Variants in CYSLTR1 observed in about 807,000 individuals in gnomAD.
The protein encoded by CYSLTR1 is cysteinyl leukotriene receptor 1.
CYSLTR1 carries 1 observed loss-of-function variant against 2.1 expected under a neutral mutation model. The ratio of observed to expected loss-of-function variants is 0.48; its 90% confidence interval spans 0.17 to 2.28. The LOEUF (loss-of-function observed/expected upper bound fraction) is 2.28. CYSLTR1 is among the 30% of genes most tolerant of loss of function. The probability of loss-of-function intolerance (pLI) is 0.26; values close to 1 mark genes in which losing one functional copy is unlikely to be tolerated. For synonymous variants in CYSLTR1, 110 were observed against 89.6 expected (o/e 1.23, Z -1.28); for missense variants, 299 against 250.1 (o/e 1.20, Z -1.32).
intron 1 of CYSLTR1, among the ~76,000 whole-genome samples, chrX:78,310,971 T>C (rs140037357): frequency 9.1e-6 from 1 of 110,109 alleles, no homozygotes; most frequent in Non-Finnish European, 1.9e-5. Context: ...GCAGAAAGTA[T>C]ATCCTAAAGG....
chrX:78,288,389 ACTT>A (rs1399433390), intron 1 of CYSLTR1, among the ~76,000 whole-genome samples: 1 of 111,691 alleles, frequency 9.0e-6, no homozygotes, highest in Non-Finnish European at 1.9e-5. Context: ...TTGTAATAAT[ACTT>A]CTTTTTTGTT....
intron 1 of CYSLTR1, among the ~76,000 whole-genome samples, chrX:78,287,544 G>A (rs1477576646): frequency 9.0e-6 from 1 of 111,416 alleles, no homozygotes; most frequent in African/African-American, 3.3e-5. Flanking sequence ...TACAATGGGC[G>A]AATTTTATGA....
rs949502775 is a variant in CYSLTR1, at chrX:78,296,992, G to GTT, written c.-114-13454_-114-13453dup. 1.9e-4 allele frequency among the ~76,000 whole-genome samples: 21 copies of GTT among 111,389 alleles called. 1 individual carries two copies. The highest frequency in any genetic ancestry group is 5.9e-4 in the African/African-American group (18 of 30,739). ...CCAGATCTTAGAGGAAAGACTTTTA[G>GTT]TTTTTCCTCATTCAGTAAAATTCTA... On this transcript the variant is annotated intron_variant, in intron 1 of 2. Coordinates refer to ENST00000373304, the MANE Select transcript of CYSLTR1 (RefSeq NM_006639.4).
chrX:78,277,458 T>C (rs750571960), intron 2 of CYSLTR1, among the ~76,000 whole-genome samples: 1 of 111,986 alleles, frequency 8.9e-6, no homozygotes, highest in Admixed American at 9.5e-5. Flanking sequence ...CACCAGTACA[T>C]GTGCAAAGAC....
intron 1 of CYSLTR1, among the ~76,000 whole-genome samples, chrX:78,294,455 A>C (rs1019055129): frequency 4.4e-5 from 5 of 112,656 alleles, no homozygotes; most frequent in African/African-American, 1.6e-4. Flanking sequence ...TTGAGGAGGC[A>C]GTCTGTCCAT....
At chrX:78,300,810 G>C (rs1922788327) in intron 1 of CYSLTR1, among the ~76,000 whole-genome samples, 1 of 112,507 alleles carries the variant, frequency 8.9e-6, no homozygotes, top group Non-Finnish European at 1.9e-5. Context: ...TTCTAAATTG[G>C]AGTTCCCCTG....
At position 78,271,684 on chromosome X, in the gene CYSLTR1, T is replaced by C. The variant is rs1921265905; in HGVS notation, c.*1049A>G. Reference sequence around the variant, plus strand: ...TTCCTGTCAACATACCAATAAAAAGTAATAAAGCAATAATAAAACTTATCG... The same window carrying C: ...TTCCTGTCAACATACCAATAAAAAGCAATAAAGCAATAATAAAACTTATCG... On this transcript the variant is annotated 3_prime_UTR_variant, in exon 3 of 3. Coordinates refer to ENST00000373304, the MANE Select transcript of CYSLTR1 (RefSeq NM_006639.4). The C allele has an allele frequency of 8.9e-6, 1 of 111,820 alleles. No homozygotes were observed. The highest frequency in any genetic ancestry group is 1.9e-5 in the Non-Finnish European group (1 of 53,159). 9.2% of individuals were successfully genotyped at this position (111,820 alleles called of 1,213,427 possible).
chrX:78,320,541 G>T (rs1448924515), intron 1 of CYSLTR1: 1 of 111,859 alleles, frequency 8.9e-6, no homozygotes, highest in African/African-American at 3.3e-5. Flanking sequence ...AAGTTGGGTA[G>T]CGTGATGCCT....
At chrX:78,274,424 A>G (rs1455261466) in intron 2 of CYSLTR1, among the ~76,000 whole-genome samples, 2 of 111,365 alleles carry the variant, frequency 1.8e-5, no homozygotes, top group Non-Finnish European at 3.8e-5. Flanking sequence ...AAATAATACC[A>G]CACATCTACA....
intron 2 of CYSLTR1, among the ~76,000 whole-genome samples, chrX:78,278,457 A>G (rs1396766420): frequency 8.9e-6 from 1 of 112,225 alleles, no homozygotes. Context: ...ACACTGCTCA[A>G]AGAAACCAGA....
chrX:78,323,807 T>C (rs1923758004), intron 1 of CYSLTR1, among the ~76,000 whole-genome samples: 1 of 111,741 alleles, frequency 8.9e-6, no homozygotes, highest in Admixed American at 9.5e-5. Flanking sequence ...TTTCTATCAG[T>C]TCCACATATG....
chrX:78,272,506 T>A lies in CYSLTR1; in HGVS notation c.*227A>T, dbSNP rs1921309418. ...ATATTCTCCAAATTCTGGTGAGTGGTCAAAATTATTTATAATTCAGTTCAT... is the reference window on the plus strand; with the variant it reads ...ATATTCTCCAAATTCTGGTGAGTGGACAAAATTATTTATAATTCAGTTCAT... On this transcript the variant is annotated 3_prime_UTR_variant, in exon 3 of 3. Transcript: ENST00000373304. The A allele has an allele frequency of 1.5e-5, 4 of 267,358 alleles. No homozygotes were observed. In the East Asian group the frequency reaches 1.8e-4, roughly 12 times the overall value. 22.0% of individuals were successfully genotyped at this position (267,358 alleles called of 1,213,427 possible). A position where few individuals can be genotyped will look rare whatever the true frequency, so the allele number is the denominator to read the frequency against.
At chrX:78,302,587 T>A (rs1334995082) in intron 1 of CYSLTR1, among the ~76,000 whole-genome samples, 1 of 111,201 alleles carries the variant, frequency 9.0e-6, no homozygotes, top group Admixed American at 9.5e-5. Context: ...AGTAGCTGTG[T>A]ATTACTGCTG....
chrX:78,276,697 T>C (rs1285916470), intron 2 of CYSLTR1, among the ~76,000 whole-genome samples: 1 of 110,838 alleles, frequency 9.0e-6, no homozygotes, highest in African/African-American at 3.3e-5. Context: ...TTGGATAGAT[T>C]ATCTGAGCCA....
rs1923896046 is a variant in CYSLTR1 at position 78,327,369 on chromosome X, T to A, written c.-179A>T. ...TTTGTTCTCAGAAGCAAGCTCCAAG[T>A]CTTCAGTAAATTCGATCTACCAGTC... On this transcript the variant is annotated 5_prime_UTR_variant, in exon 1 of 3. Coordinates refer to ENST00000373304, the MANE Select transcript of CYSLTR1 (RefSeq NM_006639.4). 9.0e-6 allele frequency: 1 copy of A among 111,673 alleles called. No individual in the cohort carries two copies. The allele number at this position is 111,673 out of a possible 1,213,427, so 9.2% of individuals were successfully genotyped here. A position where few individuals can be genotyped will look rare whatever the true frequency, so the allele number is the denominator to read the frequency against.
intron 1 of CYSLTR1, among the ~76,000 whole-genome samples, chrX:78,284,964 T>C (rs1603409867): frequency 9.0e-6 from 1 of 111,254 alleles, no homozygotes; most frequent in Non-Finnish European, 1.9e-5. Context: ...GAAGTTGACA[T>C]ATGTAACCTA....
chrX:78,326,008 C>T (rs887314365), intron 1 of CYSLTR1, among the ~76,000 whole-genome samples: 6 of 111,574 alleles, frequency 5.4e-5, no homozygotes, highest in African/African-American at 1.6e-4. Context: ...AAGCAAATAG[C>T]AAACTTTTCT....
intron 1 of CYSLTR1, among the ~76,000 whole-genome samples, chrX:78,300,280 C>T (rs750368057): frequency 1.2e-4 from 14 of 112,465 alleles, no homozygotes; most frequent in Non-Finnish European, 2.1e-4. Context: ...CTCTGTTGCT[C>T]CAATATTGGT....
rs1190708249 is a variant in CYSLTR1 at position 78,318,056 on chromosome X, A to T, written c.-115+9249T>A. 1.5e-4 allele frequency among the ~76,000 whole-genome samples: 17 copies of T among 112,514 alleles called. No homozygotes were observed. In the Admixed American group the frequency reaches 1.6e-3, roughly 11 times the overall value. ...CTGGGTATATACCTGAAGGAATATA[A>T]ATTCTTCTATTATAAGGACACATGC... On this transcript the variant is annotated intron_variant, in intron 1 of 2. Coordinates refer to ENST00000373304, the MANE Select transcript of CYSLTR1 (RefSeq NM_006639.4).
Sources: gnomAD v4.1 joint callset for allele counts (sites outside exome capture counted in the v4.1 genomes callset) on GRCh38, gnomAD v4.1.1 for gene constraint, MANE v1.5 for transcripts, NCBI Gene and HGNC (gene_info 2026-07-23, HGNC 2026-07-21) for gene names.